ZFHX3: variants seen among roughly 807,000 people sequenced by gnomAD.
ZFHX3 encodes the protein zinc finger homeobox 3, also known as zinc finger homeobox protein 3.
In ZFHX3, 42 loss-of-function variants were observed where a neutral mutation model predicts 279.1. That is an observed-to-expected ratio of 0.15 (90% CI 0.12 to 0.19). The LOEUF (loss-of-function observed/expected upper bound fraction) is 0.19, where lower values mean the gene tolerates loss of function less well. ZFHX3 is among the 10% of genes least tolerant of loss of function. ZFHX3 has a pLI of 1.00. For missense variants in ZFHX3, 4,981 were observed against 4,754.0 expected, an observed-to-expected ratio of 1.05 and a Z score of -1.40; for synonymous variants, 2,293 against 1,957.8, an observed-to-expected ratio of 1.17 and a Z score of -4.52.
intron 1 of ZFHX3, among the ~76,000 whole-genome samples, chr16:73,013,526 G>A (rs748355197): frequency 6.6e-6 from 1 of 152,140 alleles, no homozygotes; most frequent in Non-Finnish European, 1.5e-5. Context: ...AGGCTCAAGT[G>A]ATCTGCCTGC....
chr16:73,478,368 C>A (rs767416322), intron 2 of ZFHX3, among the ~76,000 whole-genome samples: 1 of 151,858 alleles, frequency 6.6e-6, no homozygotes, highest in Non-Finnish European at 1.5e-5. Flanking sequence ...GTCTGATGCT[C>A]TACCAACTGA....
intron 1 of ZFHX3, among the ~76,000 whole-genome samples, chr16:73,724,745 C>T (rs937256893): frequency 2.0e-5 from 3 of 152,326 alleles, no homozygotes; most frequent in African/African-American, 7.2e-5. Context: ...AAAGTTCTAG[C>T]AGTCTTTCAG....
chr16:73,511,168 A>G (rs1357083810), intron 2 of ZFHX3, among the ~76,000 whole-genome samples: 2 of 152,218 alleles, frequency 1.3e-5, no homozygotes, highest in African/African-American at 2.4e-5. Context: ...TATCTGGGTA[A>G]AGAGCTCTGA....
chr16:73,121,973 A>G (rs1966505016), intron 7 of ZFHX3, among the ~76,000 whole-genome samples: 1 of 151,946 alleles, frequency 6.6e-6, no homozygotes, highest in Non-Finnish European at 1.5e-5. Flanking sequence ...TTTTGCTCCA[A>G]CCTATTCATA....
rs2038471562 is a variant in ZFHX3, at chr16:72,881,565, A to T, written c.3448+8166T>A. On this transcript the variant is annotated intron_variant, in intron 4 of 9. Coordinates refer to ENST00000268489, the MANE Select transcript of ZFHX3 (RefSeq NM_006885.4). Reference sequence around the variant, plus strand: ...GGGAACAAGTTTCATATAGGATGTAAGTAGCCCTAGAAATGGATTCTTTGG... The same window carrying T: ...GGGAACAAGTTTCATATAGGATGTATGTAGCCCTAGAAATGGATTCTTTGG... Among the ~76,000 whole-genome samples the T allele has an allele frequency of 3.9e-5, 6 of 152,312 alleles. No individual in the cohort carries two copies. The South Asian group carries it at 1.2e-3, about 32-fold the overall frequency.
chr16:73,261,266 C>T (rs2013816191), intron 4 of ZFHX3, among the ~76,000 whole-genome samples: 1 of 152,044 alleles, frequency 6.6e-6, no homozygotes, highest in Non-Finnish European at 1.5e-5. Context: ...AGTGTGTTAC[C>T]ATTTGTGCAC....
At chr16:72,970,442 C>G (rs1010852) in intron 1 of ZFHX3, among the ~76,000 whole-genome samples, 116,587 of 152,068 alleles carry the variant, frequency 0.77, 44,936 homozygotes, top group Non-Finnish European at 0.8. Context: ...ACCATTTCCA[C>G]AACAAGAAAG....
At chr16:73,808,998 C>T (rs1388220425) in intron 1 of ZFHX3, among the ~76,000 whole-genome samples, 1 of 152,146 alleles carries the variant, frequency 6.6e-6, no homozygotes, top group East Asian at 1.9e-4. Context: ...TTTATCCTGT[C>T]ATCTGTGTTG....
intron 2 of ZFHX3, among the ~76,000 whole-genome samples, chr16:73,561,579 A>T (rs970766784): frequency 6.6e-6 from 1 of 152,196 alleles, no homozygotes; most frequent in Non-Finnish European, 1.5e-5. Flanking sequence ...AGACACCTAA[A>T]CTTTCTCTTA....
intron 8 of ZFHX3, among the ~76,000 whole-genome samples, chr16:73,065,606 T>TGTGC (rs1555546712): frequency 2.1e-5 from 3 of 145,652 alleles, no homozygotes; most frequent in Non-Finnish European, 4.6e-5. Flanking sequence ...TGTGTGTGTG[T>TGTGC]GCGTGTGTGT....
chr16:73,090,561 AGAAAGGGAGG>A (rs1966060547), intron 8 of ZFHX3, among the ~76,000 whole-genome samples: 1 of 152,030 alleles, frequency 6.6e-6, no homozygotes, highest in South Asian at 2.1e-4. Context: ...TATGGAAGCA[AGAAAGGGAGG>A]GAAAGCGGGC....
At chr16:73,453,556 A>G (rs954735230) in intron 3 of ZFHX3, among the ~76,000 whole-genome samples, 2 of 152,224 alleles carry the variant, frequency 1.3e-5, no homozygotes. Context: ...TGTTTTAACC[A>G]TCCTGGCCCA....
intron 5 of ZFHX3, among the ~76,000 whole-genome samples, chr16:72,813,349 T>G (rs995354140): frequency 6.6e-6 from 1 of 152,234 alleles, no homozygotes; most frequent in African/African-American, 2.4e-5. Context: ...TATTTCCATT[T>G]ATGCTTGGGT....
At chr16:73,239,273 T>A (rs1379847642) in intron 5 of ZFHX3, among the ~76,000 whole-genome samples, 1 of 152,162 alleles carries the variant, frequency 6.6e-6, no homozygotes, top group Non-Finnish European at 1.5e-5. Flanking sequence ...CTCACCTACA[T>A]CACTTTTTTG....
At chr16:73,512,804 T>A (rs187590418) in intron 2 of ZFHX3, among the ~76,000 whole-genome samples, 1 of 152,310 alleles carries the variant, frequency 6.6e-6, no homozygotes, top group East Asian at 1.9e-4. Context: ...AATGTTAGAA[T>A]AAATTTATTA....
chr16:72,844,439 A>T (rs2143803343), intron 4 of ZFHX3, among the ~76,000 whole-genome samples: 1 of 152,134 alleles, frequency 6.6e-6, no homozygotes, highest in East Asian at 1.9e-4. Flanking sequence ...CACACCGCCC[A>T]TGTTTCTTTG....
Position 72,798,067 on chromosome 16 carries a change from G to A in ZFHX3, c.4615C>T (p.Leu1539=). Residue 1539 remains leucine, a synonymous_variant, in exon 9 of 10, where the codon CTA becomes TTA. Transcript: ENST00000268489. ...KGPNFTMEKF[L]DPSRPYKCTV... ...CACTTGTAAGGGCGAGAAGGGTCTA[G>A]GAACTTTTCCATAGTAAAATTGGGA... The A allele has an allele frequency of 6.2e-7, 1 of 1,614,206 alleles. No homozygotes were observed. The highest frequency in any genetic ancestry group is 1.3e-5 in the African/African-American group (1 of 75,066).
intron 1 of ZFHX3, among the ~76,000 whole-genome samples, chr16:72,981,497 G>A (rs1962598432): frequency 6.6e-6 from 1 of 152,166 alleles, no homozygotes; most frequent in Non-Finnish European, 1.5e-5. Context: ...TAAAAAATCA[G>A]ATGTTTACCA....
Position 73,031,911 on chromosome 16 carries a change from T to C in ZFHX3, c.-50+15841A>G, listed in dbSNP as rs550492089. 2.0e-5 allele frequency among the ~76,000 whole-genome samples: 3 copies of C among 152,024 alleles called. No homozygotes were observed. The South Asian group carries it at 6.2e-4, about 32-fold the overall frequency. On this transcript the variant is annotated intron_variant, in intron 1 of 9. Coordinates refer to ENST00000268489, the MANE Select transcript of ZFHX3 (RefSeq NM_006885.4). ...TTTCAGAGGGAAGGCAGCACCCCAA[T>C]AGAATGCACATTCTAGAACCTTATA...
Sources: gnomAD v4.1 joint callset for allele counts (sites outside exome capture counted in the v4.1 genomes callset) on GRCh38, gnomAD v4.1.1 for gene constraint, MANE v1.5 for transcripts, NCBI Gene and HGNC (gene_info 2026-07-23, HGNC 2026-07-21) for gene names.